The following RCBTB2 variants were observed in gnomAD, a reference collection of about 807,000 sequenced individuals.
RCBTB2 encodes the protein RCC1 and BTB domain-containing protein 2.
A neutral mutation model predicts 65.4 loss-of-function variants in RCBTB2; 55 were observed. That is an observed-to-expected ratio of 0.84 (90% CI 0.68 to 1.05). The LOEUF is 1.05. RCBTB2 is among the 50% of genes least tolerant of loss of function. RCBTB2 has a pLI of 0.00. For missense variants in RCBTB2, 599 were observed against 680.1 expected, an observed-to-expected ratio of 0.88 and a Z score of 1.33; for synonymous variants, 220 against 255.2, an observed-to-expected ratio of 0.86 and a Z score of 1.31.
At chr13:48,508,640 G>C (rs1297537376) in intron 10 of RCBTB2, among the ~76,000 whole-genome samples, 1 of 152,178 alleles carries the variant, frequency 6.6e-6, no homozygotes, top group Non-Finnish European at 1.5e-5. Flanking sequence ...CTGACCTCAG[G>C]TGATCCGCCC....
rs1472840982 is a variant in RCBTB2 at position 48,525,372 on chromosome 13, TGATATATATA to T, written c.-218-625_-218-616del. 6.9e-3 allele frequency among the ~76,000 whole-genome samples: 468 copies of T among 67,536 alleles called. 7 individuals carry two copies. The highest frequency in any genetic ancestry group is 0.023 in the African/African-American group (435 of 19,318). The allele number at this position is 67,536 out of a possible 152,430, so 44.3% of individuals were successfully genotyped here. A position where few individuals can be genotyped will look rare whatever the true frequency, so the allele number is the denominator to read the frequency against. ...AATTCAAAAGTGAGCAAAGGATTCATGATATATATATATATATATATATATATATATATAT... is the reference window on the plus strand; with the variant it reads ...AATTCAAAAGTGAGCAAAGGATTCATTATATATATATATATATATATATAT... On this transcript the variant is annotated intron_variant, in intron 1 of 14. Coordinates refer to ENST00000344532, the MANE Select transcript of RCBTB2 (RefSeq NM_001268.4).
rs201775073 is a variant in RCBTB2 at position 48,502,932 on chromosome 13, C to T, written c.927-18G>A. 10 of 1,587,468 alleles carry T rather than the reference C, an allele frequency of 6.3e-6. No homozygotes were observed. The East Asian group carries it at 1.6e-4, about 25-fold the overall frequency. ...CGATAATCCTAAATTCACAAACACA[C>T]ACCACATAAGCACAGTGACCGGGGC... On this transcript the variant is annotated intron_variant, in intron 10 of 14. Transcript: ENST00000344532.
chr13:48,509,532 C>T (rs1378432474), intron 10 of RCBTB2, among the ~76,000 whole-genome samples: 4 of 152,106 alleles, frequency 2.6e-5, no homozygotes, highest in Non-Finnish European at 4.4e-5. Context: ...TGAACAGCTG[C>T]AGGCATCTAC....
chr13:48,532,569 GC>G (rs111449389), intron 1 of RCBTB2: 21,885 of 171,026 alleles, frequency 0.13, 4,227 homozygotes, highest in African/African-American at 0.44. Flanking sequence ...GACCTGTGAC[GC>G]CCCCCCAGCC....
At chr13:48,499,138 A>ACT (rs1950111633) in intron 13 of RCBTB2, among the ~76,000 whole-genome samples, 1 of 145,810 alleles carries the variant, frequency 6.9e-6, no homozygotes, top group African/African-American at 2.7e-5. Flanking sequence ...ACACACACAC[A>ACT]CACACTCTCT....
chr13:48,517,541 T>C (rs1046371336), intron 4 of RCBTB2, among the ~76,000 whole-genome samples: 2 of 152,176 alleles, frequency 1.3e-5, no homozygotes, highest in South Asian at 2.1e-4. Context: ...TATTAACTTG[T>C]ATCCAAAGTA....
chr13:48,533,557 C>T (rs946942955), upstream of RCBTB2, among the ~76,000 whole-genome samples: 3 of 152,168 alleles, frequency 2.0e-5, no homozygotes, highest in African/African-American at 4.8e-5. Flanking sequence ...TGCTGTGGGG[C>T]GGAAGTCTTG....
rs765824262 is a variant in RCBTB2, at chr13:48,499,626, G to A, written c.1379C>T (p.Ala460Val). Residue 460 changes from alanine (A) to valine (V), a missense_variant, in exon 13 of 15, where the codon GCA (alanine) becomes GTA (valine). Ala to Val is a moderately conservative substitution (Grantham distance 64). Coordinates refer to ENST00000344532, the MANE Select transcript of RCBTB2 (RefSeq NM_001268.4). ...TDSISLSPEEAVGLLDLATFY... is the reference protein window; with the variant it reads ...TDSISLSPEEVVGLLDLATFY... ...TGGAAGTCTTTGGCAATTACCTACT[G>A]CCTCCTCAGGAGAAAGGCTGATGCT... 1 of 1,613,800 alleles carries A rather than the reference G, an allele frequency of 6.2e-7. No individual in the cohort carries two copies. Among genetic ancestry groups the A allele is most frequent in the South Asian group, 1.1e-5 (1 of 90,944 alleles).
At chr13:48,524,597 A>G (rs1951605521) in intron 2 of RCBTB2, 62 bp downstream of exon 2, 1 of 152,180 alleles carries the variant, frequency 6.6e-6, no homozygotes, top group Non-Finnish European at 1.5e-5. Context: ...TCTTGTGTAC[A>G]TTCTCAACAG....
rs768853886 is a variant in RCBTB2, at chr13:48,515,726, G to A, written c.58C>T (p.Leu20=). 6.2e-7 allele frequency: 1 copy of A among 1,609,430 alleles called. No individual in the cohort carries two copies. Among genetic ancestry groups the A allele is most frequent in the South Asian group, 1.1e-5 (1 of 89,898 alleles). The stretch of plus-strand genomic sequence containing the variant: ...ACATCTAACATCTTCAAAGATGACA[G>A]AGTAGCCTGTACTGGCTGAAAAGGA... The part of the protein sequence containing the change: ...GDSGKPVQAT[L]SSLKMLDVGK... Residue 20 remains leucine (L), a synonymous_variant, in exon 5 of 15, where the codon CTG becomes TTG. Coordinates refer to ENST00000344532, the MANE Select transcript of RCBTB2 (RefSeq NM_001268.4).
At chr13:48,503,055 AACC>A in intron 10 of RCBTB2, 141 bp from the exon 11 acceptor site, 1 of 871,820 alleles carries the variant, frequency 1.1e-6, no homozygotes, top group South Asian at 1.9e-5. Flanking sequence ...AAACAAAACA[AACC>A]ACCACATGAC....
chr13:48,534,270 T>G (rs773217620), upstream of RCBTB2, among the ~76,000 whole-genome samples: 2 of 152,178 alleles, frequency 1.3e-5, no homozygotes, highest in Non-Finnish European at 2.9e-5. Flanking sequence ...TGAAAGAAAT[T>G]TATGAGTTAA....
rs748995890 is a variant in RCBTB2 at position 48,512,692 on chromosome 13, G to GA, written c.516+36dup. ...CTATAGAAGTCTACATAATCTTATT[G>GA]AAAAAAATCAATGAGCTTTATGCTG... On this transcript the variant is annotated intron_variant, in intron 7 of 14. Transcript: ENST00000344532. The GA allele has an allele frequency of 1.8e-5, 29 of 1,576,490 alleles. No homozygotes were observed. In the South Asian group the frequency reaches 2.5e-4, roughly 13 times the overall value.
chr13:48,505,530 A>C (rs1950457801), intron 10 of RCBTB2, among the ~76,000 whole-genome samples: 1 of 152,226 alleles, frequency 6.6e-6, no homozygotes, highest in Non-Finnish European at 1.5e-5. Context: ...CTTTTCAACA[A>C]ATAAAGAAAA....
At chr13:48,511,552 A>G (rs1950794952) in intron 9 of RCBTB2, among the ~76,000 whole-genome samples, 1 of 152,204 alleles carries the variant, frequency 6.6e-6, no homozygotes, top group South Asian at 2.1e-4. Context: ...GCTTGTAACA[A>G]TTTATATTCC....
chr13:48,515,337 T>C lies in RCBTB2; in HGVS notation c.217A>G (p.Asn73Asp). ...VNDEIFVLGTNCCGCLGLGDV... is the reference protein window; with the variant it reads ...VNDEIFVLGTDCCGCLGLGDV... ...CCTAACCCCAAACAGCCACAGCAGT[T>C]TGTGCCAAGCACAAAAATCTATGGG... The change falls in exon 6 of 15, where the codon AAC becomes GAC. Residue 73 changes from asparagine (N) to aspartate (D), a missense_variant. Asn to Asp is a conservative substitution (Grantham distance 23, BLOSUM62 1). Coordinates refer to ENST00000344532, the MANE Select transcript of RCBTB2 (RefSeq NM_001268.4). 6.2e-7 allele frequency: 1 copy of C among 1,613,822 alleles called. No homozygotes were observed. Among genetic ancestry groups the C allele is most frequent in the Non-Finnish European group, 8.5e-7 (1 of 1,179,928 alleles).
chr13:48,511,943 G>C, intron 8 of RCBTB2, 66 bp from the exon 9 acceptor site: 2 of 1,604,454 alleles, frequency 1.2e-6, no homozygotes, highest in Non-Finnish European at 1.7e-6. Flanking sequence ...CTGTTATGTG[G>C]GACATACCAT....
chr13:48,532,629 C>T (rs1206496714), intron 1 of RCBTB2: 1 of 210,030 alleles, frequency 4.8e-6, no homozygotes, highest in Non-Finnish European at 9.9e-6. Flanking sequence ...AGCAGATGAT[C>T]ACCCTGGAAC....
At chr13:48,530,736 G>C (rs544349560) in intron 1 of RCBTB2, among the ~76,000 whole-genome samples, 2 of 152,386 alleles carry the variant, frequency 1.3e-5, no homozygotes, top group South Asian at 4.1e-4. Flanking sequence ...TGTCTGGCTA[G>C]CTCTTCCTTG....
Sources: gnomAD v4.1 joint callset for allele counts (sites outside exome capture counted in the v4.1 genomes callset) on GRCh38, gnomAD v4.1.1 for gene constraint, MANE v1.5 for transcripts, NCBI Gene and HGNC (gene_info 2026-07-23, HGNC 2026-07-21) for gene names.